Variants in PPM1B observed in about 807,000 individuals in gnomAD.
The protein encoded by PPM1B is protein phosphatase, Mg2+/Mn2+ dependent 1B, also known as protein phosphatase 1B.
A neutral mutation model predicts 43.0 loss-of-function variants in PPM1B; 22 were observed. That is an observed-to-expected ratio of 0.51 (90% confidence interval 0.37 to 0.73). The LOEUF (loss-of-function observed/expected upper bound fraction) is 0.73, where lower values mean the gene tolerates loss of function less well. Ranked by LOEUF, PPM1B falls within the 30% of genes least tolerant of loss-of-function variation. The pLI is 0.00. For missense variants in PPM1B, 632 were observed against 584.2 expected, an observed-to-expected ratio of 1.08 and a Z score of -0.84; for synonymous variants, 217 against 197.9, an observed-to-expected ratio of 1.10 and a Z score of -0.81.
At chr2:44,232,882 CCT>C (rs1670508051), downstream of PPM1B, 1 of 971,456 alleles carries the variant, frequency 1.0e-6, no homozygotes. Context: ...TCCAATTTTA[CCT>C]GTATTACCAA....
chr2:44,222,181 T>A (rs753475381), intron 5 of PPM1B, among the ~76,000 whole-genome samples: 9 of 152,142 alleles, frequency 5.9e-5, no homozygotes, highest in Non-Finnish European at 8.8e-5. Context: ...ATAATTAGAA[T>A]ATAAATTCTG....
chr2:44,203,297 T>A (rs950158647), intron 2 of PPM1B, among the ~76,000 whole-genome samples: 1 of 152,144 alleles, frequency 6.6e-6, no homozygotes, highest in Non-Finnish European at 1.5e-5. Context: ...TACTTCTGGA[T>A]GAGTTAAGTA....
At chr2:44,171,233 T>G (rs572800983) in intron 1 of PPM1B, among the ~76,000 whole-genome samples, 1 of 152,330 alleles carries the variant, frequency 6.6e-6, no homozygotes, top group East Asian at 1.9e-4. Context: ...GTGAAAGGCC[T>G]TTCAATTTAG....
chr2:44,182,244 T>C (rs1007893177), intron 1 of PPM1B, among the ~76,000 whole-genome samples: 3 of 152,140 alleles, frequency 2.0e-5, no homozygotes, highest in African/African-American at 4.8e-5. Flanking sequence ...AGTAATTTCT[T>C]TTTTTTCTTA....
chr2:44,215,668 C>T (rs1669686848), intron 3 of PPM1B, among the ~76,000 whole-genome samples: 1 of 151,978 alleles, frequency 6.6e-6, no homozygotes, highest in African/African-American at 2.4e-5. Flanking sequence ...TAGTAGTTCA[C>T]CTGAATTGAT....
intron 5 of PPM1B, among the ~76,000 whole-genome samples, chr2:44,227,010 A>G (rs1337884882): frequency 6.6e-6 from 1 of 151,606 alleles, no homozygotes; most frequent in African/African-American, 2.4e-5. Flanking sequence ...GTCTTCCTCC[A>G]TTGCCCAGGC....
At chr2:44,183,931 G>C (rs1324011525) in intron 1 of PPM1B, among the ~76,000 whole-genome samples, 3 of 152,086 alleles carry the variant, frequency 2.0e-5, no homozygotes, top group Non-Finnish European at 2.9e-5. Context: ...TTAGAGATGG[G>C]GTTTCACCGT....
intron 1 of PPM1B, among the ~76,000 whole-genome samples, chr2:44,191,524 A>G (rs1668403895): frequency 6.6e-6 from 1 of 152,142 alleles, no homozygotes; most frequent in African/African-American, 2.4e-5. Flanking sequence ...TCTGCTTTGT[A>G]AGTTTTATAA....
At chr2:44,171,543 A>G (rs566576197) in intron 1 of PPM1B, among the ~76,000 whole-genome samples, 1 of 152,288 alleles carries the variant, frequency 6.6e-6, no homozygotes, top group African/African-American at 2.4e-5. Flanking sequence ...AAAAGAGGCT[A>G]TATAGGCCAG....
chr2:44,237,993 C>T (rs1403049565), downstream of PPM1B, among the ~76,000 whole-genome samples: 2 of 152,128 alleles, frequency 1.3e-5, no homozygotes, highest in African/African-American at 4.8e-5. Flanking sequence ...CTCCACCTCC[C>T]GGGTTCAAGC....
At chr2:44,170,316 A>G (rs913021937) in intron 1 of PPM1B, among the ~76,000 whole-genome samples, 1 of 152,268 alleles carries the variant, frequency 6.6e-6, no homozygotes, top group African/African-American at 2.4e-5. Flanking sequence ...AAGAGCTTTT[A>G]AAATAGGCTC....
At chr2:44,207,669 A>G (rs896889363) in intron 2 of PPM1B, among the ~76,000 whole-genome samples, 4 of 148,572 alleles carry the variant, frequency 2.7e-5, no homozygotes, top group Non-Finnish European at 6.0e-5. Context: ...TCCACTTCCC[A>G]GGCTTAAGCG....
chr2:44,180,572 T>G (rs1430202555), intron 1 of PPM1B, among the ~76,000 whole-genome samples: 1 of 152,184 alleles, frequency 6.6e-6, no homozygotes, highest in African/African-American at 2.4e-5. Flanking sequence ...TTGAAAAATT[T>G]AACTAGGACA....
At chr2:44,198,593 C>T (rs1407081838) in intron 1 of PPM1B, among the ~76,000 whole-genome samples, 1 of 152,178 alleles carries the variant, frequency 6.6e-6, no homozygotes, top group Admixed American at 6.5e-5. Flanking sequence ...ACAGGCACTA[C>T]AGAAGTATTT....
chr2:44,222,904 C>G (rs1451663350), intron 5 of PPM1B, among the ~76,000 whole-genome samples: 3 of 152,166 alleles, frequency 2.0e-5, no homozygotes, highest in African/African-American at 7.2e-5. Flanking sequence ...CATCATGGCT[C>G]TCTGTAGCCT....
At position 44,201,566 on chromosome 2, in the gene PPM1B, C is replaced by G. The variant is rs746837106; in HGVS notation, c.367C>G (p.Leu123Val). ...IDEYMRNFSD[L>V]RNGMDRSGST... is the part of the protein sequence containing the mutation. Reference sequence around the variant, plus strand: ...TGAATACATGCGTAACTTTTCAGACCTCAGAAACGGGATGGACAGGAGTGG... The same window carrying G: ...TGAATACATGCGTAACTTTTCAGACGTCAGAAACGGGATGGACAGGAGTGG... Residue 123 changes from leucine to valine, a missense_variant, in exon 2 of 6, where the codon CTC (leucine) becomes GTC (valine). Transcript: ENST00000282412. The surrounding 1 kb of genome is among the most constrained non-coding windows in gnomAD (Gnocchi z 5.4). 1.2e-6 allele frequency: 2 copies of G among 1,614,106 alleles called. No homozygotes were observed. The highest frequency in any genetic ancestry group is 1.3e-5 in the African/African-American group (1 of 75,004).
At chr2:44,186,486 A>G (rs1014407349) in intron 1 of PPM1B, among the ~76,000 whole-genome samples, 14 of 152,022 alleles carry the variant, frequency 9.2e-5, no homozygotes, top group Non-Finnish European at 2.9e-5. Flanking sequence ...CTCCCGCCTC[A>G]GCCTCCCAGG....
At chr2:44,188,106 T>G (rs1276041084) in intron 1 of PPM1B, among the ~76,000 whole-genome samples, 4 of 152,238 alleles carry the variant, frequency 2.6e-5, no homozygotes, top group African/African-American at 9.6e-5. Context: ...TTGGCTTACT[T>G]TAACTTTCAA....
chr2:44,218,173 C>A, intron 4 of PPM1B, 95 bp downstream of exon 4: 2 of 921,068 alleles, frequency 2.2e-6, no homozygotes, highest in Non-Finnish European at 3.5e-6. Context: ...CATCAATTAT[C>A]TAGAGGTGAA....
Sources: gnomAD v4.1 joint callset for allele counts (sites outside exome capture counted in the v4.1 genomes callset) on GRCh38, gnomAD v4.1.1 for gene constraint, Gnocchi (gnomAD v3.1) non-coding constraint, MANE v1.5 for transcripts, NCBI Gene and HGNC (gene_info 2026-07-23, HGNC 2026-07-21) for gene names.